The following NFIA variants were observed in gnomAD, a reference collection of about 807,000 sequenced individuals.
The protein encoded by NFIA is nuclear factor I A.
A neutral mutation model predicts 62.8 loss-of-function variants in NFIA; 8 were observed. The observed-to-expected ratio is 0.13, with a 90% CI of 0.07 to 0.23. NFIA has a LOEUF of 0.23. Among genes scored for constraint, NFIA ranks in the 10% least tolerant of loss-of-function variants. The pLI is 1.00. For synonymous variants in NFIA, 235 were observed against 238.1 expected, an observed-to-expected ratio of 0.99 and a Z score of 0.12; for missense variants, 410 against 642.1, an observed-to-expected ratio of 0.64 and a Z score of 3.91.
intron 2 of NFIA, among the ~76,000 whole-genome samples, chr1:61,112,318 A>C (rs544388145): frequency 6.6e-6 from 1 of 152,266 alleles, no homozygotes; most frequent in Middle Eastern, 3.4e-3. Flanking sequence ...TTCCTAAAGT[A>C]ATGATAACAA....
intron 2 of NFIA, among the ~76,000 whole-genome samples, chr1:61,152,012 A>C (rs1418331265): frequency 1.3e-5 from 2 of 152,158 alleles, no homozygotes; most frequent in Non-Finnish European, 2.9e-5. Context: ...TAACACTGTG[A>C]TAATAACTGA....
intron 2 of NFIA, among the ~76,000 whole-genome samples, chr1:61,200,007 T>TAC (rs1652316260): frequency 3.4e-5 from 2 of 58,720 alleles, no homozygotes; most frequent in East Asian, 7.7e-4. Context: ...AAAATATATA[T>TAC]ATGTATATAT....
At chr1:61,110,915 G>A (rs772993732) in intron 2 of NFIA, among the ~76,000 whole-genome samples, 30 of 152,128 alleles carry the variant, frequency 2.0e-4, no homozygotes, top group Non-Finnish European at 4.1e-4. Context: ...CTTAAGAAAT[G>A]TAAGAGTGAT....
At chr1:61,147,028 A>AACCAATTAATTTCTCTATCAT (rs1648061846) in intron 2 of NFIA, among the ~76,000 whole-genome samples, 1 of 152,154 alleles carries the variant, frequency 6.6e-6, no homozygotes, top group African/African-American at 2.4e-5. Context: ...GGCTCTTTTC[A>AACCAATTAATTTCTCTATCAT]GTTGAATATA....
Position 61,324,323 on chromosome 1 carries a change from A to G in NFIA, c.626-8189A>G, listed in dbSNP as rs145968903. ...CGTCAAGTGGCCAAGGCACACCAGC[A>G]TGGAGAAGCCTGGTAATCATTGGCC... On this transcript the variant is annotated intron_variant, in intron 3 of 10. Coordinates refer to ENST00000403491, the MANE Select transcript of NFIA (RefSeq NM_001134673.4). Among the ~76,000 whole-genome samples, 384 of 152,304 alleles carry G rather than the reference A, an allele frequency of 2.5e-3. 3 individuals carry two copies. The highest frequency in any genetic ancestry group is 4.3e-3 in the Non-Finnish European group (295 of 68,020).
At chr1:61,246,686 GA>G (rs1655670108) in intron 2 of NFIA, among the ~76,000 whole-genome samples, 1 of 152,042 alleles carries the variant, frequency 6.6e-6, no homozygotes, top group South Asian at 2.1e-4. Flanking sequence ...ATTTATGGAG[GA>G]CACATTGTAA....
At chr1:61,307,527 A>G (rs1570552194) in intron 3 of NFIA, among the ~76,000 whole-genome samples, 1 of 152,226 alleles carries the variant, frequency 6.6e-6, no homozygotes, top group South Asian at 2.1e-4. Flanking sequence ...AGAAAATGGG[A>G]TTTGCTTAAA....
At chr1:61,336,020 C>G (rs1384355382) in intron 4 of NFIA, among the ~76,000 whole-genome samples, 1 of 152,090 alleles carries the variant, frequency 6.6e-6, no homozygotes, top group African/African-American at 2.4e-5. Context: ...ATTCAATCCT[C>G]CCATGGTTGG....
rs1053334559 is a variant in NFIA, at chr1:61,461,917, A to G, written c.*6597A>G. 1 of 151,554 alleles carries G rather than the reference A, an allele frequency of 6.6e-6. No individual in the cohort carries two copies. Among genetic ancestry groups the G allele is most frequent in the Non-Finnish European group, 1.5e-5 (1 of 67,940 alleles). 9.4% of individuals were successfully genotyped at this position (151,554 alleles called of 1,614,324 possible). A position where few individuals can be genotyped will look rare whatever the true frequency, so the allele number is the denominator to read the frequency against. On this transcript the variant is annotated 3_prime_UTR_variant, in exon 11 of 11. Transcript: ENST00000403491. ...ATTTTTCCTGCTGTTTTTATACTCA[A>G]CTTCTCAAAATGAAAAAAGCTTTTA...
In NFIA at chr1:61,376,620, T is replaced by C. The variant is rs11207731; in HGVS notation, c.947-6617T>C. The stretch of plus-strand genomic sequence containing the variant: ...ATACTTCAGAGTGGGTTTTTTTGCA[T>C]ACACTTTTGTATCTGATATACCCTT... On this transcript the variant is annotated intron_variant, in intron 6 of 10. Coordinates refer to ENST00000403491, the MANE Select transcript of NFIA (RefSeq NM_001134673.4). Among the ~76,000 whole-genome samples the C allele has an allele frequency of 6.6e-3, 1,012 of 152,336 alleles. 12 individuals are homozygous for C. Among genetic ancestry groups the C allele is most frequent in the African/African-American group, 0.023 (955 of 41,570 alleles).
At chr1:61,422,746 TAAA>T (rs55752729) in intron 9 of NFIA, among the ~76,000 whole-genome samples, 1 of 135,612 alleles carries the variant, frequency 7.4e-6, no homozygotes. Context: ...CGTCTCTATT[TAAA>T]AAAAAAAAAA....
intron 2 of NFIA, among the ~76,000 whole-genome samples, chr1:61,102,110 GTGTT>G (rs1557565864): frequency 6.6e-6 from 1 of 152,186 alleles, no homozygotes; most frequent in African/African-American, 2.4e-5. Context: ...AGCAGAAAAT[GTGTT>G]TGTAACATTT....
chr1:61,426,670 C>G (rs1471590372), intron 10 of NFIA, 114 bp downstream of exon 10: 4 of 780,492 alleles, frequency 5.1e-6, no homozygotes, highest in African/African-American at 3.5e-5. Flanking sequence ...CCAGTCTTCC[C>G]TTTCCTCCTG....
At chr1:61,124,421 G>A (rs1164707710) in intron 2 of NFIA, among the ~76,000 whole-genome samples, 2 of 152,152 alleles carry the variant, frequency 1.3e-5, no homozygotes, top group Admixed American at 1.3e-4. Context: ...ACAAAAACAG[G>A]AAAAGTCAAT....
chr1:61,208,432 G>A (rs1653035467), intron 2 of NFIA, among the ~76,000 whole-genome samples: 1 of 152,140 alleles, frequency 6.6e-6, no homozygotes, highest in Non-Finnish European at 1.5e-5. Context: ...CTATCTGTAT[G>A]TTTGTTTTGG....
intron 2 of NFIA, among the ~76,000 whole-genome samples, chr1:61,192,616 T>G (rs1651716152): frequency 6.6e-6 from 1 of 151,012 alleles, no homozygotes; most frequent in Admixed American, 6.6e-5. Context: ...GGCAGGAGAA[T>G]CCCCTGAACT....
chr1:61,404,291 A>G lies in NFIA; in HGVS notation c.1254+9A>G. 1 of 1,591,250 alleles carries G rather than the reference A, an allele frequency of 6.3e-7. No homozygotes were observed. The highest frequency in any genetic ancestry group is 1.1e-5 in the South Asian group (1 of 87,912). ...AGGTGGGGTTCCTCAATGTAAGGAAACCTCTTTTTTTCCATTTCTTTAGAA... is the reference window on the plus strand; with the variant it reads ...AGGTGGGGTTCCTCAATGTAAGGAAGCCTCTTTTTTTCCATTTCTTTAGAA... On this transcript the variant is annotated intron_variant, in intron 8 of 10. Transcript: ENST00000403491.
chr1:61,080,459 A>G (rs1204194019), upstream of NFIA, among the ~76,000 whole-genome samples: 1 of 152,232 alleles, frequency 6.6e-6, no homozygotes, highest in East Asian at 1.9e-4. Flanking sequence ...TCCCGAGTAC[A>G]CACTCTGAAC....
At chr1:61,402,732 A>G (rs1044005075) in intron 7 of NFIA, among the ~76,000 whole-genome samples, 1 of 152,188 alleles carries the variant, frequency 6.6e-6, no homozygotes, top group Admixed American at 6.5e-5. Flanking sequence ...CAGATTAAAG[A>G]TTGCATAAAT....
Sources: gnomAD v4.1 joint callset for allele counts (sites outside exome capture counted in the v4.1 genomes callset) on GRCh38, gnomAD v4.1.1 for gene constraint, MANE v1.5 for transcripts, NCBI Gene and HGNC (gene_info 2026-07-23, HGNC 2026-07-21) for gene names.